Variants in VPS54 observed in about 807,000 individuals in gnomAD.
VPS54 encodes the protein vacuolar protein sorting-associated protein 54.
VPS54 carries 45 observed loss-of-function variants against 121.5 expected under a neutral mutation model. That is an observed-to-expected ratio of 0.37 (90% confidence interval 0.29 to 0.47). VPS54 has a LOEUF of 0.47. Ranked by LOEUF, VPS54 falls within the 20% of genes least tolerant of loss-of-function variation. The pLI, the probability that VPS54 is intolerant of heterozygous loss-of-function variation, is 0.99. For missense variants in VPS54, 1,090 were observed against 1,131.4 expected (o/e 0.96, Z 0.52); for synonymous variants, 371 against 385.8 (o/e 0.96, Z 0.45).
At position 63,944,364 on chromosome 2, in the gene VPS54, G is replaced by A. The variant is rs544728902; in HGVS notation, c.1301+236C>T. Among the ~76,000 whole-genome samples the A allele has an allele frequency of 3.4e-4, 51 of 152,168 alleles. 1 individual carries two copies. Among genetic ancestry groups the A allele is most frequent in the African/African-American group, 1.1e-3 (47 of 41,522 alleles). ...ACCTATTTCTCCTGTCTCTCTCAAGGGTTGCCTCAGGGTGACTGCTTCCCT... is the reference window on the plus strand; with the variant it reads ...ACCTATTTCTCCTGTCTCTCTCAAGAGTTGCCTCAGGGTGACTGCTTCCCT... On this transcript the variant is annotated intron_variant, in intron 10 of 22. Transcript: ENST00000272322.
chr2:63,945,483 A>C (rs1674936979), intron 9 of VPS54, among the ~76,000 whole-genome samples: 1 of 152,126 alleles, frequency 6.6e-6, no homozygotes, highest in African/African-American at 2.4e-5. Flanking sequence ...ATACCAAAAA[A>C]ACTCATGTCA....
At chr2:63,899,226 A>AT (rs1340677318) in intron 21 of VPS54, among the ~76,000 whole-genome samples, 11 of 152,240 alleles carry the variant, frequency 7.2e-5, no homozygotes, top group Admixed American at 5.9e-4. Context: ...TCATGGACAA[A>AT]TGGAAAACCT....
intron 12 of VPS54, among the ~76,000 whole-genome samples, chr2:63,932,548 C>G (rs1344593146): frequency 1.3e-5 from 2 of 151,668 alleles, no homozygotes; most frequent in Non-Finnish European, 2.9e-5. Context: ...GGAGAAATAC[C>G]TAATGTAGGT....
chr2:63,964,799 G>A (rs891813238), intron 6 of VPS54, among the ~76,000 whole-genome samples: 2 of 152,116 alleles, frequency 1.3e-5, no homozygotes, highest in Admixed American at 6.6e-5. Flanking sequence ...CTTTCAGATT[G>A]CCAGGGGATA....
chr2:63,893,660 C>G, intron 22 of VPS54, 125 bp from the exon 23 acceptor site: 3 of 755,318 alleles, frequency 4.0e-6, no homozygotes, highest in Non-Finnish European at 6.3e-6. Context: ...CCCAAGTGTC[C>G]AAATACTTTA....
chr2:64,009,233 T>C (rs994546728), intron 1 of VPS54, among the ~76,000 whole-genome samples: 4 of 152,254 alleles, frequency 2.6e-5, no homozygotes, highest in African/African-American at 9.6e-5. Flanking sequence ...TCATCTTCTA[T>C]TGAATGATAG....
intron 1 of VPS54, among the ~76,000 whole-genome samples, chr2:63,997,992 C>T (rs1677682491): frequency 6.6e-6 from 1 of 152,052 alleles, no homozygotes; most frequent in Admixed American, 6.5e-5. Context: ...TGTATGGTTT[C>T]CAGAATTCCT....
At chr2:64,017,021 TAAAAAAAAA>T (rs777168254) in intron 1 of VPS54, among the ~76,000 whole-genome samples, 1 of 100,384 alleles carries the variant, frequency 1.0e-5, no homozygotes, top group African/African-American at 3.7e-5. Flanking sequence ...TTTTGTTGAT[TAAAAAAAAA>T]AAAAAAAAAA....
At chr2:64,005,345 C>T (rs975833068) in intron 1 of VPS54, among the ~76,000 whole-genome samples, 3 of 151,594 alleles carry the variant, frequency 2.0e-5, no homozygotes, top group East Asian at 1.9e-4. Flanking sequence ...CCTTGTGATC[C>T]GCCCGCCTCG....
chr2:64,001,530 G>A (rs929517895), intron 1 of VPS54, among the ~76,000 whole-genome samples: 2 of 152,132 alleles, frequency 1.3e-5, no homozygotes, highest in Admixed American at 6.5e-5. Flanking sequence ...GGCGTACTAC[G>A]TGGTTATCAC....
intron 12 of VPS54, among the ~76,000 whole-genome samples, chr2:63,932,978 G>A (rs1475807293): frequency 6.6e-6 from 1 of 152,116 alleles, no homozygotes; most frequent in East Asian, 1.9e-4. Flanking sequence ...AGTGCATCAT[G>A]TCTGTAACCT....
intron 12 of VPS54, among the ~76,000 whole-genome samples, chr2:63,931,086 T>C (rs1195585164): frequency 1.3e-5 from 2 of 152,206 alleles, no homozygotes; most frequent in Non-Finnish European, 2.9e-5. Flanking sequence ...ATGGCCTTAC[T>C]GCCAAAAGTA....
chr2:63,970,242 A>AATATAT (rs1336592832), intron 4 of VPS54, among the ~76,000 whole-genome samples: 35 of 43,002 alleles, frequency 8.1e-4, no homozygotes, highest in African/African-American at 3.6e-3. Flanking sequence ...CACACATTCT[A>AATATAT]ATATATATAT....
chr2:63,986,652 T>C lies in VPS54; in HGVS notation c.-20-2633A>G, dbSNP rs1019912050. Reference sequence around the variant, plus strand: ...TGGATCATACAGCTCCGTTTTCAGTTTTTCGAGGGACCTCCAAACTGCTCT... The same window carrying C: ...TGGATCATACAGCTCCGTTTTCAGTCTTTCGAGGGACCTCCAAACTGCTCT... On this transcript the variant is annotated intron_variant, in intron 1 of 22. Coordinates refer to ENST00000272322, the MANE Select transcript of VPS54 (RefSeq NM_016516.3). Among the ~76,000 whole-genome samples the C allele has an allele frequency of 3.9e-5, 6 of 152,298 alleles. No individual in the cohort carries two copies. The East Asian group carries it at 9.6e-4, about 24-fold the overall frequency.
At chr2:63,958,437 T>G (rs1675599203) in intron 7 of VPS54, among the ~76,000 whole-genome samples, 1 of 152,216 alleles carries the variant, frequency 6.6e-6, no homozygotes, top group Non-Finnish European at 1.5e-5. Flanking sequence ...AATTCCTTTT[T>G]GAAAACAGAG....
At chr2:63,924,494 A>G (rs1334556008) in intron 12 of VPS54, among the ~76,000 whole-genome samples, 1 of 152,184 alleles carries the variant, frequency 6.6e-6, no homozygotes, top group African/African-American at 2.4e-5. Flanking sequence ...AAGAAGAAAA[A>G]TTGGGAGAAA....
At chr2:64,013,810 CATAAAAATCTTACTGA>C (rs1348053935) in intron 1 of VPS54, among the ~76,000 whole-genome samples, 2 of 151,224 alleles carry the variant, frequency 1.3e-5, no homozygotes, top group African/African-American at 4.9e-5. Flanking sequence ...CAAATTACCC[CATAAAAATCTTACTGA>C]ATAGCTGGGC....
intron 1 of VPS54, among the ~76,000 whole-genome samples, chr2:63,992,579 A>G (rs892805495): frequency 1.3e-5 from 2 of 152,220 alleles, no homozygotes; most frequent in Non-Finnish European, 2.9e-5. Flanking sequence ...GCTGCTCTCT[A>G]AAGAAAAACT....
At chr2:64,012,183 G>A (rs1387938457) in intron 1 of VPS54, among the ~76,000 whole-genome samples, 1 of 151,818 alleles carries the variant, frequency 6.6e-6, no homozygotes, top group East Asian at 1.9e-4. Flanking sequence ...CATCTCCCTT[G>A]CATCTCTCCT....
Sources: allele counts gnomAD v4.1 joint callset (sites outside exome capture counted in the v4.1 genomes callset), GRCh38; gene constraint gnomAD v4.1.1; transcripts MANE v1.5; gene names NCBI Gene and HGNC (gene_info 2026-07-23, HGNC 2026-07-21).